The following LYRM4 variants were observed in gnomAD, a reference collection of about 807,000 sequenced individuals.
LYRM4 encodes LYR motif containing 4.
LYRM4 carries 9 observed loss-of-function variants against 11.7 expected under a neutral mutation model. The observed-to-expected ratio is 0.77, with a 90% confidence interval of 0.46 to 1.34. The LOEUF is 1.34. Among genes scored for constraint, LYRM4 ranks in the 40% most tolerant of loss-of-function variants. The pLI, the probability that LYRM4 is intolerant of heterozygous loss-of-function variation, is 0.00. For synonymous variants in LYRM4, 42 were observed against 40.4 expected (o/e 1.04, Z -0.15); for missense variants, 133 against 112.5 (o/e 1.18, Z -0.82).
At chr6:5,078,296 G>A in the LYRM4 span, among the ~76,000 whole-genome samples, 95 of 151,638 alleles carry the variant, frequency 6.3e-4, no homozygotes, top group Non-Finnish European at 1.1e-3. Context: ...TTCCAGAGAG[G>A]GCTGCAATGG....
At chr6:5,240,679 T>C (rs1027593214) in intron 1 of LYRM4, 4 of 152,208 alleles carry the variant, frequency 2.6e-5, no homozygotes, top group Non-Finnish European at 4.4e-5. Flanking sequence ...TAGTATCCAA[T>C]GTAGGTCCCA....
At chr6:5,085,549 C>G in the LYRM4 span, 8 of 1,541,106 alleles carry the variant, frequency 5.2e-6, no homozygotes, top group African/African-American at 1.4e-5. Flanking sequence ...CCGAGAGGCC[C>G]CGCCGGCCGA....
At chr6:5,125,508 G>A (rs569685800) in intron 2 of LYRM4, among the ~76,000 whole-genome samples, 275 of 152,314 alleles carry the variant, frequency 1.8e-3, no homozygotes, top group African/African-American at 6.5e-3. Flanking sequence ...CTGGACGAAG[G>A]AATGAATTCC....
At chr6:5,200,726 G>C (rs1163422063) in intron 2 of LYRM4, among the ~76,000 whole-genome samples, 1 of 152,128 alleles carries the variant, frequency 6.6e-6, no homozygotes, top group African/African-American at 2.4e-5. Context: ...CCACTGGTTC[G>C]CAACTGTGGC....
At chr6:5,139,884 C>T (rs888528454) in intron 2 of LYRM4, among the ~76,000 whole-genome samples, 4 of 147,178 alleles carry the variant, frequency 2.7e-5, no homozygotes, top group African/African-American at 5.0e-5. Context: ...GTTGCCCAGG[C>T]TGGGGGGCAG....
chr6:5,086,591 C>T, the LYRM4 span: 7 of 1,459,150 alleles, frequency 4.8e-6, no homozygotes, highest in African/African-American at 8.5e-5. Context: ...AGCCGTGGGG[C>T]GGGGTTGATT....
the LYRM4 span, among the ~76,000 whole-genome samples, chr6:5,051,273 G>A: frequency 6.6e-6 from 1 of 152,120 alleles, no homozygotes; most frequent in Non-Finnish European, 1.5e-5. Context: ...AATAAATAGT[G>A]GTTAAAAACT....
chr6:5,208,313 G>A (rs1450178898), intron 2 of LYRM4, among the ~76,000 whole-genome samples: 1 of 152,166 alleles, frequency 6.6e-6, no homozygotes, highest in Non-Finnish European at 1.5e-5. Flanking sequence ...GAGAACTTCC[G>A]CTTCTTGCCT....
intron 1 of LYRM4, among the ~76,000 whole-genome samples, chr6:5,246,752 G>C (rs1451581639): frequency 1.3e-5 from 2 of 152,122 alleles, no homozygotes; most frequent in African/African-American, 4.8e-5. Context: ...TGGCAGGTCT[G>C]GGTGGATGTG....
At chr6:5,081,881 T>A in the LYRM4 span, among the ~76,000 whole-genome samples, 1 of 151,978 alleles carries the variant, frequency 6.6e-6, no homozygotes, top group Non-Finnish European at 1.5e-5. Context: ...AACTTTTAAC[T>A]CCACCCACTG....
chr6:5,161,050 G>C (rs1481817534), intron 2 of LYRM4, among the ~76,000 whole-genome samples: 1 of 152,142 alleles, frequency 6.6e-6, no homozygotes, highest in Admixed American at 6.5e-5. Flanking sequence ...AAAATGCTGA[G>C]ACCCTACATT....
the LYRM4 span, among the ~76,000 whole-genome samples, chr6:5,077,833 A>T: frequency 4.6e-5 from 7 of 152,218 alleles, no homozygotes; most frequent in Admixed American, 3.9e-4. Flanking sequence ...CATAAATAGA[A>T]GCAAAATTGA....
Position 5,215,039 on chromosome 6 carries a change from A to ATTT in LYRM4, c.207+1576_207+1578dup, listed in dbSNP as rs11442956. Among the ~76,000 whole-genome samples, 12 of 145,594 alleles carry ATTT rather than the reference A, an allele frequency of 8.2e-5. No homozygotes were observed. In the East Asian group the frequency reaches 2.0e-3, roughly 25 times the overall value. On this transcript the variant is annotated intron_variant, in intron 2 of 2. Coordinates refer to ENST00000330636, the MANE Select transcript of LYRM4 (RefSeq NM_020408.6). ...GATGTCAGATGAGGGCCAGTTTAGT[A>ATTT]TTTTTTTTTTTTTGCAAGGGTAGTT...
chr6:5,248,885 C>T lies in LYRM4; in HGVS notation c.86+11763G>A, dbSNP rs181054169. On this transcript the variant is annotated intron_variant, in intron 1 of 2. Coordinates refer to ENST00000330636, the MANE Select transcript of LYRM4 (RefSeq NM_020408.6). ...CCTCAGCAAGGAACAATGAGTCTGG[C>T]GCAAGGCAGGTACCCAATAAATGTT... Among the ~76,000 whole-genome samples, 9 of 152,322 alleles carry T rather than the reference C, an allele frequency of 5.9e-5. No individual in the cohort carries two copies. The East Asian group carries it at 1.3e-3, about 23-fold the overall frequency.
At chr6:5,237,653 G>A (rs1319137182) in intron 1 of LYRM4, among the ~76,000 whole-genome samples, 1 of 152,054 alleles carries the variant, frequency 6.6e-6, no homozygotes, top group Non-Finnish European at 1.5e-5. Flanking sequence ...GGGGTGAACT[G>A]AGCACTACTT....
At chr6:5,132,354 G>C (rs1211682384) in intron 2 of LYRM4, among the ~76,000 whole-genome samples, 1 of 152,108 alleles carries the variant, frequency 6.6e-6, no homozygotes, top group East Asian at 1.9e-4. Flanking sequence ...ATTGGTAAAT[G>C]AATTATGGAG....
the LYRM4 span, among the ~76,000 whole-genome samples, chr6:5,062,293 T>TAATACATA: frequency 7.3e-6 from 1 of 136,306 alleles, no homozygotes; most frequent in Admixed American, 7.1e-5. Flanking sequence ...ATAATATTTA[T>TAATACATA]AATACATATT....
At chr6:5,060,745 C>T in the LYRM4 span, among the ~76,000 whole-genome samples, 1 of 152,126 alleles carries the variant, frequency 6.6e-6, no homozygotes, top group Non-Finnish European at 1.5e-5. Flanking sequence ...CCAGGCTGGT[C>T]TCGAACTCCT....
intron 2 of LYRM4, among the ~76,000 whole-genome samples, chr6:5,115,748 A>G (rs770235938): frequency 1.2e-4 from 18 of 152,236 alleles, no homozygotes; most frequent in Non-Finnish European, 2.6e-4. Context: ...AGTTTGAATT[A>G]AATTTAAAAA....
Sources: gnomAD v4.1 joint callset for allele counts (sites outside exome capture counted in the v4.1 genomes callset) on GRCh38, gnomAD v4.1.1 for gene constraint, MANE v1.5 for transcripts, NCBI Gene and HGNC (gene_info 2026-07-23, HGNC 2026-07-21) for gene names.